CCDC85A: variants seen among roughly 807,000 people sequenced by gnomAD.
CCDC85A encodes the protein coiled-coil domain containing 85A.
A neutral mutation model predicts 50.2 loss-of-function variants in CCDC85A; 38 were observed. The observed-to-expected ratio is 0.76, with a 90% CI of 0.58 to 0.99. The LOEUF is 0.99. CCDC85A is among the 50% of genes least tolerant of loss of function. The pLI is 0.00. For synonymous variants in CCDC85A, 366 were observed against 301.4 expected, an observed-to-expected ratio of 1.21 and a Z score of -2.22; for missense variants, 820 against 742.0, an observed-to-expected ratio of 1.11 and a Z score of -1.22.
At chr2:56,256,485 G>A (rs1669990266) in intron 2 of CCDC85A, among the ~76,000 whole-genome samples, 1 of 152,138 alleles carries the variant, frequency 6.6e-6, no homozygotes, top group Admixed American at 6.5e-5. Context: ...ATTACCTAAA[G>A]AAAATTCAAT....
intron 2 of CCDC85A, among the ~76,000 whole-genome samples, chr2:56,251,307 G>A (rs935327082): frequency 2.0e-5 from 3 of 152,188 alleles, no homozygotes; most frequent in African/African-American, 4.8e-5. Context: ...GTGAATATTT[G>A]TTGAACACAT....
intron 3 of CCDC85A, among the ~76,000 whole-genome samples, chr2:56,369,265 A>C (rs191417589): frequency 5.9e-5 from 9 of 152,232 alleles, no homozygotes; most frequent in Admixed American, 5.9e-4. Context: ...GTGAGCAATA[A>C]GGGAAAGATA....
At chr2:56,201,801 A>T (rs1409648532) in intron 2 of CCDC85A, among the ~76,000 whole-genome samples, 1 of 152,186 alleles carries the variant, frequency 6.6e-6, no homozygotes, top group Admixed American at 6.5e-5. Flanking sequence ...AGGGCAATAT[A>T]GCTGTATTTA....
chr2:56,281,261 T>C (rs1463410319), intron 2 of CCDC85A, among the ~76,000 whole-genome samples: 11 of 152,186 alleles, frequency 7.2e-5, no homozygotes. Flanking sequence ...TTGTTGCATG[T>C]ATTATCTGTT....
chr2:56,240,706 A>G (rs1159375911), intron 2 of CCDC85A, among the ~76,000 whole-genome samples: 1 of 152,134 alleles, frequency 6.6e-6, no homozygotes, highest in Non-Finnish European at 1.5e-5. Flanking sequence ...TTTAAGGTTC[A>G]CTGATGTCGC....
At chr2:56,203,649 T>C (rs527289543) in intron 2 of CCDC85A, among the ~76,000 whole-genome samples, 1 of 152,284 alleles carries the variant, frequency 6.6e-6, no homozygotes, top group East Asian at 1.9e-4. Flanking sequence ...GCAAGGCATA[T>C]GTAGTTATTT....
At chr2:56,361,850 G>A (rs1431905825) in intron 3 of CCDC85A, among the ~76,000 whole-genome samples, 1 of 152,208 alleles carries the variant, frequency 6.6e-6, no homozygotes, top group African/African-American at 2.4e-5. Flanking sequence ...TGAAGGATCA[G>A]TCTCCATGTT....
At chr2:56,335,263 C>T (rs943550300) in intron 2 of CCDC85A, among the ~76,000 whole-genome samples, 3 of 152,170 alleles carry the variant, frequency 2.0e-5, no homozygotes, top group Middle Eastern at 3.4e-3. Flanking sequence ...ACAGTTCTGA[C>T]GTAATTTCCT....
At chr2:56,195,060 G>T (rs1269256222) in intron 2 of CCDC85A, among the ~76,000 whole-genome samples, 1 of 152,204 alleles carries the variant, frequency 6.6e-6, no homozygotes, top group African/African-American at 2.4e-5. Context: ...ACTTTTTAAT[G>T]AGCTTGAGAA....
intron 3 of CCDC85A, among the ~76,000 whole-genome samples, chr2:56,345,836 T>G (rs1674606512): frequency 6.6e-6 from 1 of 152,210 alleles, no homozygotes; most frequent in South Asian, 2.1e-4. Flanking sequence ...TGTTAGCTGA[T>G]TTGCAAGGTC....
intron 2 of CCDC85A, among the ~76,000 whole-genome samples, chr2:56,266,634 A>C (rs536638973): frequency 7.8e-6 from 1 of 128,730 alleles, no homozygotes; most frequent in South Asian, 2.9e-4. Context: ...ATTTATGTGA[A>C]ATGAATTGAA....
At position 56,193,182 on chromosome 2, in the gene CCDC85A, C is replaced by A. The variant is rs760611343; in HGVS notation, c.982C>A (p.His328Asn). The change falls in exon 2 of 6, where the codon CAC (histidine) becomes AAC (asparagine). Residue 328 changes from histidine (H) to asparagine (N), a missense_variant. Coordinates refer to ENST00000407595, the MANE Select transcript of CCDC85A (RefSeq NM_001080433.2). The stretch of plus-strand genomic sequence containing the variant: ...GCACCGGTCAGGGAGCAGCCCTGAA[C>A]ACGCCAGGCACAGTGGAGGGAGCCC... ...QKHRSGSSPE[H>N]ARHSGGSPEH... 25 of 1,613,238 alleles carry A rather than the reference C, an allele frequency of 1.5e-5. No homozygotes were observed. The highest frequency in any genetic ancestry group is 2.1e-5 in the Non-Finnish European group (25 of 1,179,510).
At chr2:56,339,086 T>TCTA (rs1674226846) in intron 2 of CCDC85A, among the ~76,000 whole-genome samples, 1 of 152,194 alleles carries the variant, frequency 6.6e-6, no homozygotes, top group East Asian at 1.9e-4. Flanking sequence ...TAATAGGGAA[T>TCTA]GTGTGTTCTG....
chr2:56,186,510 T>C (rs1464220221), intron 1 of CCDC85A, among the ~76,000 whole-genome samples: 1 of 152,228 alleles, frequency 6.6e-6, no homozygotes, highest in Non-Finnish European at 1.5e-5. Context: ...TACAAATCTA[T>C]GGCTGTGTGT....
chr2:56,286,557 GCTTT>G (rs1671452982), intron 2 of CCDC85A, among the ~76,000 whole-genome samples: 1 of 151,816 alleles, frequency 6.6e-6, no homozygotes, highest in Non-Finnish European at 1.5e-5. Context: ...ACTAGAATTG[GCTTT>G]CTTTTATATA....
At chr2:56,252,125 C>T (rs1173442221) in intron 2 of CCDC85A, among the ~76,000 whole-genome samples, 1 of 151,560 alleles carries the variant, frequency 6.6e-6, no homozygotes, top group Non-Finnish European at 1.5e-5. Flanking sequence ...TGGCTCACTG[C>T]ATCCTCTGCC....
intron 2 of CCDC85A, 21 bp downstream of exon 2, chr2:56,193,461 G>T (rs768817902): frequency 7.6e-5 from 120 of 1,568,772 alleles, no homozygotes; most frequent in Non-Finnish European, 9.5e-5. Context: ...ATGTGCTGGG[G>T]TGCTGCTTGG....
intron 2 of CCDC85A, among the ~76,000 whole-genome samples, chr2:56,215,987 A>G (rs1178026572): frequency 6.6e-6 from 1 of 151,922 alleles, no homozygotes; most frequent in Non-Finnish European, 1.5e-5. Context: ...GCATTGATTT[A>G]TTTATTCACT....
intron 2 of CCDC85A, among the ~76,000 whole-genome samples, chr2:56,291,101 G>A (rs909662253): frequency 2.6e-5 from 4 of 152,152 alleles, no homozygotes; most frequent in African/African-American, 4.8e-5. Context: ...GTGAAACTTC[G>A]GTTTTTGTAA....
Sources: gnomAD v4.1 joint callset for allele counts (sites outside exome capture counted in the v4.1 genomes callset) on GRCh38, gnomAD v4.1.1 for gene constraint, MANE v1.5 for transcripts, NCBI Gene and HGNC (gene_info 2026-07-23, HGNC 2026-07-21) for gene names.